SHROOM3: variants seen among roughly 807,000 people sequenced by gnomAD.
SHROOM3 encodes the protein protein Shroom3.
Under a neutral mutation model 138.6 loss-of-function variants are expected in SHROOM3, and 47 were observed. That is an observed-to-expected ratio of 0.34 (90% CI 0.27 to 0.43). The LOEUF (loss-of-function observed/expected upper bound fraction) is 0.43, where lower values mean the gene tolerates loss of function less well. Ranked by LOEUF, SHROOM3 falls within the 20% of genes least tolerant of loss-of-function variation. SHROOM3 has a pLI of 1.00. For synonymous variants in SHROOM3, 1,062 were observed against 1,063.3 expected (o/e 1.00, Z 0.02); for missense variants, 2,491 against 2,596.5 (o/e 0.96, Z 0.88).
intron 4 of SHROOM3, among the ~76,000 whole-genome samples, chr4:76,736,077 A>C (rs1208945212): frequency 6.6e-6 from 1 of 151,434 alleles, no homozygotes; most frequent in East Asian, 2.0e-4. Context: ...CCTTCATAGA[A>C]ATGGTGAATG....
chr4:76,690,036 C>T (rs755731010), intron 2 of SHROOM3, among the ~76,000 whole-genome samples: 1 of 152,130 alleles, frequency 6.6e-6, no homozygotes, highest in African/African-American at 2.4e-5. Context: ...CACCAGGGCC[C>T]CTGCTGAGTT....
intron 4 of SHROOM3, among the ~76,000 whole-genome samples, chr4:76,738,385 A>G (rs1578006511): frequency 6.6e-6 from 1 of 152,188 alleles, no homozygotes; most frequent in East Asian, 1.9e-4. Context: ...GCCCCAGTAG[A>G]CACACAGTTT....
At chr4:76,709,991 C>A in intron 2 of SHROOM3, 165 bp from the exon 3 acceptor site, 2 of 760,338 alleles carry the variant, frequency 2.6e-6, no homozygotes, top group Non-Finnish European at 4.4e-6. Context: ...CTTCGTAGGG[C>A]AGAGAACTTT....
intron 3 of SHROOM3, among the ~76,000 whole-genome samples, chr4:76,727,177 G>T (rs759983863): frequency 3.3e-5 from 5 of 152,182 alleles, no homozygotes; most frequent in Non-Finnish European, 5.9e-5. Flanking sequence ...GCCCACTGGG[G>T]TCTAAAATGA....
chr4:76,623,062 A>G (rs1191398510), intron 2 of SHROOM3, among the ~76,000 whole-genome samples: 1 of 152,222 alleles, frequency 6.6e-6, no homozygotes, highest in Non-Finnish European at 1.5e-5. Flanking sequence ...TTTTAGTAAT[A>G]TATTTGTTTT....
At chr4:76,533,859 C>T (rs913793919) in intron 1 of SHROOM3, among the ~76,000 whole-genome samples, 6 of 152,110 alleles carry the variant, frequency 3.9e-5, no homozygotes, top group African/African-American at 1.2e-4. Flanking sequence ...TTTGGAACTG[C>T]AGAACACACT....
At chr4:76,645,343 A>C (rs2110084682) in intron 2 of SHROOM3, 1 of 152,268 alleles carries the variant, frequency 6.6e-6, no homozygotes, top group Non-Finnish European at 1.5e-5. Flanking sequence ...GACCCTCAAC[A>C]TCCCCAGAGG....
chr4:76,479,763 T>C (rs1303409708), intron 1 of SHROOM3, among the ~76,000 whole-genome samples: 2 of 152,178 alleles, frequency 1.3e-5, no homozygotes, highest in Admixed American at 6.5e-5. Context: ...GGAGAGCCCA[T>C]CAGGCTAACA....
intron 1 of SHROOM3, among the ~76,000 whole-genome samples, chr4:76,471,241 T>C (rs913944444): frequency 3.3e-5 from 5 of 150,998 alleles, no homozygotes; most frequent in East Asian, 1.9e-4. Context: ...GTTCTTCCTT[T>C]CTTTCTTTTT....
At chr4:76,708,077 A>C (rs1187560746) in intron 2 of SHROOM3, among the ~76,000 whole-genome samples, 1 of 152,188 alleles carries the variant, frequency 6.6e-6, no homozygotes, top group Non-Finnish European at 1.5e-5. Context: ...TCTCACACCC[A>C]GTTGCTAATT....
At chr4:76,629,962 T>A (rs1735266468) in intron 2 of SHROOM3, among the ~76,000 whole-genome samples, 1 of 152,188 alleles carries the variant, frequency 6.6e-6, no homozygotes, top group Admixed American at 6.5e-5. Context: ...GAAATTTCCA[T>A]GGGAAGTTGC....
At chr4:76,533,244 T>C (rs2110016669) in intron 1 of SHROOM3, among the ~76,000 whole-genome samples, 1 of 152,346 alleles carries the variant, frequency 6.6e-6, no homozygotes, top group East Asian at 1.9e-4. Context: ...CTTGATGAGC[T>C]ATCATTTTAT....
At chr4:76,717,858 C>T (rs1720420557) in intron 3 of SHROOM3, among the ~76,000 whole-genome samples, 1 of 152,110 alleles carries the variant, frequency 6.6e-6, no homozygotes, top group African/African-American at 2.4e-5. Context: ...GCCAATTGTA[C>T]ATTATTTAAC....
At chr4:76,707,297 G>A (rs1255198402) in intron 2 of SHROOM3, among the ~76,000 whole-genome samples, 1 of 152,198 alleles carries the variant, frequency 6.6e-6, no homozygotes, top group East Asian at 1.9e-4. Flanking sequence ...TTGACAGTCC[G>A]AAGGGAATAT....
intron 2 of SHROOM3, among the ~76,000 whole-genome samples, chr4:76,585,036 G>C (rs530828157): frequency 6.2e-4 from 94 of 152,268 alleles, no homozygotes; most frequent in African/African-American, 2.1e-3. Context: ...GAACATTCTA[G>C]AGAGACAGAC....
At chr4:76,577,705 TC>T (rs911398685) in intron 2 of SHROOM3, among the ~76,000 whole-genome samples, 2 of 152,232 alleles carry the variant, frequency 1.3e-5, no homozygotes, top group Admixed American at 6.5e-5. Flanking sequence ...TCCTTCACAA[TC>T]CAGTTGCTAA....
At chr4:76,539,448 A>C (rs1373593531) in intron 1 of SHROOM3, among the ~76,000 whole-genome samples, 1 of 152,160 alleles carries the variant, frequency 6.6e-6, no homozygotes, top group Non-Finnish European at 1.5e-5. Flanking sequence ...GTGTTTTATA[A>C]AATGTTTCTA....
At chr4:76,644,027 A>T (rs1224409170) in intron 2 of SHROOM3, among the ~76,000 whole-genome samples, 1 of 151,950 alleles carries the variant, frequency 6.6e-6, no homozygotes, top group Non-Finnish European at 1.5e-5. Flanking sequence ...TATTTTTAGT[A>T]GAGACAGGGT....
chr4:76,537,243 A>G (rs1475782634), intron 1 of SHROOM3, among the ~76,000 whole-genome samples: 1 of 152,218 alleles, frequency 6.6e-6, no homozygotes, highest in Non-Finnish European at 1.5e-5. Context: ...GTACATGGAC[A>G]TTTCAGAAAA....
Sources: allele counts gnomAD v4.1 joint callset (sites outside exome capture counted in the v4.1 genomes callset), GRCh38; gene constraint gnomAD v4.1.1; transcripts MANE v1.5; gene names NCBI Gene and HGNC (gene_info 2026-07-23, HGNC 2026-07-21).